Variants in TMEM209 observed in about 807,000 individuals in gnomAD.
TMEM209 encodes the protein testicular tissue protein Li 202.
TMEM209 carries 65 observed loss-of-function variants against 76.2 expected under a neutral mutation model. The ratio of observed to expected loss-of-function variants is 0.85; its 90% CI spans 0.70 to 1.05. The LOEUF (loss-of-function observed/expected upper bound fraction) is 1.05. TMEM209 is among the 50% of genes least tolerant of loss of function. TMEM209 has a pLI of 0.00. For synonymous variants in TMEM209, 239 were observed against 237.6 expected (o/e 1.01, Z -0.06); for missense variants, 623 against 685.5 (o/e 0.91, Z 1.02).
intron 5 of TMEM209, among the ~76,000 whole-genome samples, chr7:130,201,221 G>C (rs1292331763): frequency 6.6e-6 from 1 of 151,310 alleles, no homozygotes; most frequent in Non-Finnish European, 1.5e-5. Context: ...AGTAGCGACA[G>C]CATCTGAAAT....
chr7:130,200,843 T>C (rs551556681), intron 5 of TMEM209, among the ~76,000 whole-genome samples: 1 of 151,866 alleles, frequency 6.6e-6, no homozygotes, highest in Non-Finnish European at 1.5e-5. Flanking sequence ...AATGTGTAAA[T>C]GTTTGGGAGG....
At chr7:130,203,279 T>C (rs1287248440) in intron 3 of TMEM209, among the ~76,000 whole-genome samples, 2 of 152,170 alleles carry the variant, frequency 1.3e-5, no homozygotes, top group Non-Finnish European at 2.9e-5. Context: ...GGTCTGCTGA[T>C]TGCAAATCCC....
intron 9 of TMEM209, among the ~76,000 whole-genome samples, 166 bp downstream of exon 9, chr7:130,181,457 A>G (rs1300545719): frequency 3.3e-5 from 5 of 152,242 alleles, no homozygotes; most frequent in South Asian, 4.1e-4. Context: ...TAGCTAAATT[A>G]CATCTTGATA....
chr7:130,191,645 G>C (rs1380598783), intron 6 of TMEM209, among the ~76,000 whole-genome samples: 1 of 152,014 alleles, frequency 6.6e-6, no homozygotes, highest in Non-Finnish European at 1.5e-5. Flanking sequence ...AGGTAACCAA[G>C]CCTTTTCAGG....
At chr7:130,203,037 T>G (rs1393192050) in intron 3 of TMEM209, among the ~76,000 whole-genome samples, 1 of 151,394 alleles carries the variant, frequency 6.6e-6, no homozygotes, top group Non-Finnish European at 1.5e-5. Flanking sequence ...TGCAGTGAGC[T>G]GAGATTGTGC....
rs11375003 is a variant in TMEM209, at chr7:130,202,099, G to GA, written c.332-9dup. 0.22 allele frequency: 339,079 copies of GA among 1,569,804 alleles called. 35,367 individuals carry two copies. Among genetic ancestry groups the GA allele is most frequent in the Non-Finnish European group, 0.24 (276,697 of 1,158,976 alleles). ...GAGGCGTAGTCTGTACAACTAGAAGGAAAAAAAAAGCAACATATGTGTATG... is the reference window on the plus strand; with the variant it reads ...GAGGCGTAGTCTGTACAACTAGAAGGAAAAAAAAAAGCAACATATGTGTATG... On this transcript the variant is annotated splice_polypyrimidine_tract_variant and intron_variant, in intron 4 of 14. Coordinates refer to ENST00000397622, the MANE Select transcript of TMEM209 (RefSeq NM_032842.4).
At chr7:130,180,769 A>G (rs1341256599) in intron 9 of TMEM209, among the ~76,000 whole-genome samples, 5 of 152,238 alleles carry the variant, frequency 3.3e-5, no homozygotes, top group Non-Finnish European at 5.9e-5. Context: ...CCAAAATGAG[A>G]CATCATTTCA....
At chr7:130,185,418 C>G in intron 6 of TMEM209, 51 bp from the exon 7 acceptor site, 1 of 1,528,570 alleles carries the variant, frequency 6.5e-7, no homozygotes, top group Admixed American at 1.7e-5. Context: ...ATTCTGACAT[C>G]TACAGTTAAC....
chr7:130,203,698 T>C, intron 3 of TMEM209, 90 bp downstream of exon 3: 3 of 1,147,856 alleles, frequency 2.6e-6, no homozygotes, highest in Non-Finnish European at 3.7e-6. Context: ...CAAATACTTG[T>C]TGAATAAGGA....
chr7:130,190,764 A>G lies in TMEM209; in HGVS notation c.775+1858T>C, dbSNP rs530334458. 3.3e-5 allele frequency among the ~76,000 whole-genome samples: 5 copies of G among 152,124 alleles called. No individual in the cohort carries two copies. In the South Asian group the frequency reaches 1.0e-3, roughly 32 times the overall value. ...ATAATCCCAGCACTTTTGGAGGCCA[A>G]AGTGGGTGGATTGTGTGAGCTCAGG... On this transcript the variant is annotated intron_variant, in intron 6 of 14. Coordinates refer to ENST00000397622, the MANE Select transcript of TMEM209 (RefSeq NM_032842.4).
At chr7:130,176,031 G>A (rs980887734) in intron 10 of TMEM209, among the ~76,000 whole-genome samples, 1 of 151,750 alleles carries the variant, frequency 6.6e-6, no homozygotes, top group African/African-American at 2.4e-5. Context: ...AAGTGTGTGT[G>A]TATATATATG....
chr7:130,167,517 T>C (rs962897844), intron 14 of TMEM209, among the ~76,000 whole-genome samples: 4 of 152,290 alleles, frequency 2.6e-5, no homozygotes, highest in Admixed American at 2.6e-4. Flanking sequence ...AATAAAATCA[T>C]ATATGTTCTT....
At position 130,192,729 on chromosome 7, in the gene TMEM209, G is replaced by A. The variant is rs754174060; in HGVS notation, c.668C>T (p.Pro223Leu). ...GTCAGTAGGTGAGTTGTAGACGGTA[G>A]GTGAAGAACGGTAGCGAGATCTCAA... ...SGLRSRYRSSPTVYNSPTDKE... is the reference protein window; with the variant it reads ...SGLRSRYRSSLTVYNSPTDKE... The change falls in exon 6 of 15, where the codon CCT becomes CTT. Residue 223 changes from proline to leucine, a missense_variant. Physicochemically the swap from Pro to Leu is moderately conservative, Grantham distance 98. Coordinates refer to ENST00000397622, the MANE Select transcript of TMEM209 (RefSeq NM_032842.4). 1.2e-5 allele frequency: 19 copies of A among 1,613,892 alleles called. 1 individual carries two copies. The South Asian group carries it at 2.0e-4, about 17-fold the overall frequency.
chr7:130,170,326 G>A (rs914468592), intron 14 of TMEM209, 74 bp downstream of exon 14: 9 of 1,249,850 alleles, frequency 7.2e-6, no homozygotes, highest in Admixed American at 1.9e-5. Context: ...ACATGCTGCT[G>A]CCTTCTGCAG....
chr7:130,193,927 G>A (rs1797883005), intron 5 of TMEM209, among the ~76,000 whole-genome samples: 2 of 150,000 alleles, frequency 1.3e-5, no homozygotes, highest in South Asian at 4.3e-4. Flanking sequence ...GGCCGGGTGC[G>A]GTGACTCACG....
At chr7:130,171,967 A>C (rs998379241) in intron 13 of TMEM209, among the ~76,000 whole-genome samples, 22 of 151,946 alleles carry the variant, frequency 1.4e-4, no homozygotes, top group Non-Finnish European at 2.6e-4. Flanking sequence ...TGGGAGGCGG[A>C]GGTTGCAGTG....
At chr7:130,182,314 T>C (rs1022530465) in intron 8 of TMEM209, among the ~76,000 whole-genome samples, 2 of 152,356 alleles carry the variant, frequency 1.3e-5, no homozygotes, top group East Asian at 1.9e-4. Flanking sequence ...TTTAGCTATA[T>C]GTTAAATTTT....
intron 5 of TMEM209, 31 bp downstream of exon 5, chr7:130,201,819 A>G (rs767148908): frequency 1.9e-6 from 3 of 1,612,246 alleles, no homozygotes; most frequent in Non-Finnish European, 2.5e-6. Context: ...TTCTAAAATA[A>G]TGTGACTAGA....
chr7:130,176,700 A>G (rs1347579162), intron 10 of TMEM209, among the ~76,000 whole-genome samples: 1 of 152,236 alleles, frequency 6.6e-6, no homozygotes, highest in East Asian at 1.9e-4. Flanking sequence ...GGAAAAAAAA[A>G]GGTGAATGGG....
Sources: allele counts gnomAD v4.1 joint callset (sites outside exome capture counted in the v4.1 genomes callset), GRCh38; gene constraint gnomAD v4.1.1; transcripts MANE v1.5; gene names NCBI Gene and HGNC (gene_info 2026-07-23, HGNC 2026-07-21).